The following CAST variants were observed in gnomAD, a reference collection of about 807,000 sequenced individuals.
The protein encoded by CAST is MIR583 host.
Under a neutral mutation model 119.6 loss-of-function variants are expected in CAST, and 76 were observed. The ratio of observed to expected loss-of-function variants is 0.64; its 90% CI spans 0.53 to 0.77. The LOEUF is 0.77. CAST is among the 30% of genes least tolerant of loss of function. The pLI, the probability that CAST is intolerant of heterozygous loss-of-function variation, is 0.00. For synonymous variants in CAST, 319 were observed against 331.6 expected (o/e 0.96, Z 0.41); for missense variants, 953 against 946.5 (o/e 1.01, Z -0.09).
chr5:96,002,639 G>A, the CAST span, among the ~76,000 whole-genome samples: 1 of 152,072 alleles, frequency 6.6e-6, no homozygotes, highest in Non-Finnish European at 1.5e-5. Context: ...GAAGCCAGGG[G>A]AGAGTAAGGT....
At chr5:96,070,141 G>C in the CAST span, among the ~76,000 whole-genome samples, 1 of 152,158 alleles carries the variant, frequency 6.6e-6, no homozygotes, top group Admixed American at 6.5e-5. Context: ...ACAACATTAT[G>C]AGGGTAATAT....
the CAST span, among the ~76,000 whole-genome samples, chr5:96,258,082 A>G: frequency 1.3e-5 from 2 of 152,146 alleles, no homozygotes; most frequent in Non-Finnish European, 2.9e-5. Context: ...TTTTTTGAAA[A>G]AAAAAGAAAA....
At chr5:96,547,716 G>A (rs1359250986) in intron 1 of CAST, among the ~76,000 whole-genome samples, 1 of 152,182 alleles carries the variant, frequency 6.6e-6, no homozygotes, top group Non-Finnish European at 1.5e-5. Flanking sequence ...ATAGTCCACA[G>A]TCATTCTCTG....
At chr5:96,665,737 C>G (rs1749238352) in intron 1 of CAST, among the ~76,000 whole-genome samples, 1 of 151,228 alleles carries the variant, frequency 6.6e-6, no homozygotes, top group Non-Finnish European at 1.5e-5. Flanking sequence ...CACACACACA[C>G]ACACATACAC....
chr5:96,482,880 G>T, the CAST span, among the ~76,000 whole-genome samples: 1 of 152,114 alleles, frequency 6.6e-6, no homozygotes, highest in Non-Finnish European at 1.5e-5. Context: ...ACTAGGAAAT[G>T]GTTAAAGGTC....
chr5:96,211,729 A>G, the CAST span, among the ~76,000 whole-genome samples: 111 of 152,162 alleles, frequency 7.3e-4, no homozygotes, highest in African/African-American at 2.6e-3. Flanking sequence ...TTCTGTAAAC[A>G]TTGGGAATAA....
chr5:96,201,147 T>G, the CAST span, among the ~76,000 whole-genome samples: 1 of 152,132 alleles, frequency 6.6e-6, no homozygotes. Flanking sequence ...ATTTTCCTAC[T>G]ATAATAAAAA....
the CAST span, among the ~76,000 whole-genome samples, chr5:96,123,491 C>T: frequency 2.0e-5 from 3 of 152,064 alleles, no homozygotes; most frequent in Non-Finnish European, 4.4e-5. Flanking sequence ...AGCTCTGACA[C>T]CTTTACATTA....
the CAST span, among the ~76,000 whole-genome samples, chr5:96,361,620 C>T: frequency 3.3e-5 from 5 of 152,092 alleles, no homozygotes; most frequent in Non-Finnish European, 7.4e-5. Context: ...CCATGTGAGA[C>T]GATGCCCCAC....
chr5:96,731,573 A>T (rs1348782453), intron 9 of CAST, among the ~76,000 whole-genome samples: 1 of 146,358 alleles, frequency 6.8e-6, no homozygotes, highest in Non-Finnish European at 1.5e-5. Context: ...ACATATGTAT[A>T]CATGTGCCAT....
intron 1 of CAST, among the ~76,000 whole-genome samples, chr5:96,555,652 C>A (rs1746224140): frequency 6.6e-6 from 1 of 152,216 alleles, no homozygotes; most frequent in African/African-American, 2.4e-5. Context: ...TGAGATCTAA[C>A]TGCAAGGCGG....
chr5:96,198,583 A>G, the CAST span, among the ~76,000 whole-genome samples: 1 of 152,152 alleles, frequency 6.6e-6, no homozygotes, highest in Non-Finnish European at 1.5e-5. Context: ...TCTTGGTCAC[A>G]GCAGGCTCCA....
chr5:96,476,750 G>A, the CAST span, among the ~76,000 whole-genome samples: 1 of 152,078 alleles, frequency 6.6e-6, no homozygotes, highest in Non-Finnish European at 1.5e-5. Flanking sequence ...TACACTGGAA[G>A]AGAATTATGA....
the CAST span, among the ~76,000 whole-genome samples, chr5:96,477,707 G>C: frequency 1.3e-5 from 2 of 152,110 alleles, no homozygotes; most frequent in African/African-American, 4.8e-5. Flanking sequence ...TTGCAGGTGA[G>C]AATATTCATT....
the CAST span, among the ~76,000 whole-genome samples, chr5:96,514,041 C>T: frequency 7.9e-5 from 12 of 152,120 alleles, no homozygotes; most frequent in African/African-American, 2.7e-4. Flanking sequence ...CTCTTCTCTT[C>T]TGTTTACAAG....
intron 1 of CAST, among the ~76,000 whole-genome samples, chr5:96,611,755 GA>G (rs1180519886): frequency 1.3e-5 from 2 of 151,368 alleles, no homozygotes; most frequent in African/African-American, 2.4e-5. Context: ...AAATCAACAA[GA>G]AAAAACCCAT....
the CAST span, among the ~76,000 whole-genome samples, chr5:96,461,580 A>AC: frequency 1.3e-5 from 2 of 152,034 alleles, no homozygotes; most frequent in South Asian, 2.1e-4. Context: ...AGATAGAATG[A>AC]TTCTGAATGA....
the CAST span, among the ~76,000 whole-genome samples, chr5:96,221,328 T>A: frequency 6.6e-6 from 1 of 152,106 alleles, no homozygotes; most frequent in Non-Finnish European, 1.5e-5. Context: ...AGTAAAATTG[T>A]CTCTCTTTGC....
chr5:96,516,947 A>G, the CAST span, among the ~76,000 whole-genome samples: 1 of 152,174 alleles, frequency 6.6e-6, no homozygotes, highest in Admixed American at 6.5e-5. Flanking sequence ...ATGAGGATGG[A>G]GGTATCAGCC....
Sources: allele counts gnomAD v4.1 joint callset (sites outside exome capture counted in the v4.1 genomes callset), GRCh38; gene constraint gnomAD v4.1.1; transcripts MANE v1.5; gene names NCBI Gene and HGNC (gene_info 2026-07-23, HGNC 2026-07-21).